CACNB2: variants seen among roughly 807,000 people sequenced by gnomAD.
The protein encoded by CACNB2 is calcium voltage-gated channel auxiliary subunit beta 2, also known as voltage-dependent L-type calcium channel subunit beta-2.
A neutral mutation model predicts 73.3 loss-of-function variants in CACNB2; 42 were observed. That is an observed-to-expected ratio of 0.57 (90% CI 0.45 to 0.74). The LOEUF (loss-of-function observed/expected upper bound fraction) is 0.74, where lower values mean the gene tolerates loss of function less well. Ranked by LOEUF, CACNB2 falls within the 30% of genes least tolerant of loss-of-function variation. CACNB2 has a pLI of 0.00. For missense variants in CACNB2, 940 were observed against 853.0 expected (o/e 1.10, Z -1.27); for synonymous variants, 348 against 310.3 (o/e 1.12, Z -1.28).
intron 3 of CACNB2, among the ~76,000 whole-genome samples, chr10:18,429,949 A>T (rs192525375): frequency 1.3e-5 from 2 of 152,156 alleles, no homozygotes; most frequent in African/African-American, 4.8e-5. Flanking sequence ...ACTGCACTCT[A>T]CTGTGGGTGA....
rs151279665 is a variant in CACNB2, at chr10:18,199,348, A to T, written c.213+48373A>T. Among the ~76,000 whole-genome samples, 15 of 152,324 alleles carry T rather than the reference A, an allele frequency of 9.8e-5. No homozygotes were observed. In the East Asian group the frequency reaches 2.9e-3, roughly 29 times the overall value. ...TTTAATAAAATGTCATGTAATGCCA[A>T]CTTCTAGGAAGAAAAGCAGAGAAGG... On this transcript the variant is annotated intron_variant, in intron 2 of 13. Coordinates refer to ENST00000324631, the MANE Select transcript of CACNB2 (RefSeq NM_201596.3).
intron 2 of CACNB2, among the ~76,000 whole-genome samples, chr10:18,177,463 TGC>T (rs1358485167): frequency 0.21 from 10,645 of 49,826 alleles, 449 homozygotes; most frequent in South Asian, 0.26. Context: ...CTATTAAAAA[TGC>T]AAAAAAAAAA....
chr10:18,164,801 C>A (rs555646247), intron 2 of CACNB2, among the ~76,000 whole-genome samples: 1 of 152,194 alleles, frequency 6.6e-6, no homozygotes, highest in Admixed American at 6.5e-5. Flanking sequence ...GAAACTATTT[C>A]TCTGACCGTT....
At chr10:18,147,448 T>G (rs1252371336) in intron 1 of CACNB2, among the ~76,000 whole-genome samples, 1 of 152,108 alleles carries the variant, frequency 6.6e-6, no homozygotes, top group African/African-American at 2.4e-5. Flanking sequence ...TAATAGCAAT[T>G]AGTGGAAATT....
At chr10:18,385,354 G>T (rs896772059) in intron 2 of CACNB2, among the ~76,000 whole-genome samples, 5 of 143,374 alleles carry the variant, frequency 3.5e-5, no homozygotes, top group South Asian at 4.5e-4. Context: ...ATGCCATAGA[G>T]ATTTGTAATA....
At chr10:18,461,694 CCACCCACT>C (rs2047585269) in intron 3 of CACNB2, among the ~76,000 whole-genome samples, 1 of 151,870 alleles carries the variant, frequency 6.6e-6, no homozygotes, top group African/African-American at 2.4e-5. Context: ...AAATCTAATG[CCACCCACT>C]CACCCACTGC....
In CACNB2 at chr10:18,194,100, G is replaced by C. The variant is rs113740310; in HGVS notation, c.213+43125G>C. On this transcript the variant is annotated intron_variant, in intron 2 of 13. Coordinates refer to ENST00000324631, the MANE Select transcript of CACNB2 (RefSeq NM_201596.3). ...TGAGTATGAAGGATTCTCTCAATCA[G>C]AGTTTATCCAGACAGAGATGCCCCA... Among the ~76,000 whole-genome samples the C allele has an allele frequency of 4.6e-3, 703 of 152,262 alleles. 2 individuals carry two copies. The highest frequency in any genetic ancestry group is 0.016 in the African/African-American group (677 of 41,562).
chr10:18,150,855 C>CTTTTTTTGTTTT, intron 1 of CACNB2, 28 bp from the exon 2 acceptor site: 2 of 483,392 alleles, frequency 4.1e-6, no homozygotes, highest in East Asian at 5.6e-5. Context: ...TCTTATTTGT[C>CTTTTTTTGTTTT]TTTTTTTTTT....
At chr10:18,181,116 C>T (rs1463747236) in intron 2 of CACNB2, among the ~76,000 whole-genome samples, 1 of 150,276 alleles carries the variant, frequency 6.7e-6, no homozygotes, top group African/African-American at 2.5e-5. Context: ...GTCCATTTCT[C>T]CTTCCCTTTT....
chr10:18,357,976 T>C (rs193058362), intron 2 of CACNB2, among the ~76,000 whole-genome samples: 1 of 152,264 alleles, frequency 6.6e-6, no homozygotes, highest in East Asian at 1.9e-4. Context: ...TATACAAGCC[T>C]CAACATCCAG....
intron 2 of CACNB2, among the ~76,000 whole-genome samples, chr10:18,272,375 A>G (rs2038091328): frequency 6.6e-6 from 1 of 152,178 alleles, no homozygotes; most frequent in Non-Finnish European, 1.5e-5. Context: ...CCAAGGTTCT[A>G]TGCCTCTATA....
intron 3 of CACNB2, among the ~76,000 whole-genome samples, chr10:18,418,044 A>C (rs531359703): frequency 3.9e-5 from 6 of 152,280 alleles, no homozygotes; most frequent in Non-Finnish European, 7.3e-5. Context: ...GCTGTAGTGC[A>C]GGAGTGCAGG....
chr10:18,502,635 G>A (rs971558918), intron 5 of CACNB2, among the ~76,000 whole-genome samples: 1 of 132,036 alleles, frequency 7.6e-6, no homozygotes, highest in Non-Finnish European at 1.5e-5. Context: ...AGGTTGAAGT[G>A]AGCCAAGATC....
chr10:18,414,087 G>T (rs1439082396), intron 3 of CACNB2, among the ~76,000 whole-genome samples: 1 of 152,240 alleles, frequency 6.6e-6, no homozygotes, highest in Non-Finnish European at 1.5e-5. Context: ...AGGGACTGCA[G>T]AGCTGCCTGG....
intron 3 of CACNB2, among the ~76,000 whole-genome samples, chr10:18,467,211 C>G (rs180974628): frequency 6.6e-6 from 1 of 152,126 alleles, no homozygotes. Flanking sequence ...TTTTTGAAAA[C>G]TCTGAAATAA....
chr10:18,533,867 G>T (rs895211062), intron 10 of CACNB2, among the ~76,000 whole-genome samples: 6 of 152,194 alleles, frequency 3.9e-5, no homozygotes, highest in African/African-American at 1.4e-4. Context: ...GTAGCCGGTT[G>T]ACAGAAAAAT....
chr10:18,496,816 AAAAAAAAAAAAAAAAAAAGG>A (rs1308213993), intron 3 of CACNB2, among the ~76,000 whole-genome samples: 2 of 137,630 alleles, frequency 1.5e-5, no homozygotes, highest in Non-Finnish European at 1.5e-5. Flanking sequence ...CTCCGCCTCA[AAAAAAAAAAAAAAAAAAAGG>A]AAAAAAAGAA....
intron 3 of CACNB2, among the ~76,000 whole-genome samples, chr10:18,407,556 C>T (rs1471531164): frequency 6.6e-6 from 1 of 152,090 alleles, no homozygotes; most frequent in Non-Finnish European, 1.5e-5. Flanking sequence ...TACTTGGCTT[C>T]TCATGCATTC....
At chr10:18,489,036 G>A (rs529274113) in intron 3 of CACNB2, among the ~76,000 whole-genome samples, 3 of 151,842 alleles carry the variant, frequency 2.0e-5, no homozygotes, top group East Asian at 3.9e-4. Flanking sequence ...AATATTGGCC[G>A]GGCACGGTGG....
Sources: gnomAD v4.1 joint callset for allele counts (sites outside exome capture counted in the v4.1 genomes callset) on GRCh38, gnomAD v4.1.1 for gene constraint, MANE v1.5 for transcripts, NCBI Gene and HGNC (gene_info 2026-07-23, HGNC 2026-07-21) for gene names.